The following FRMPD1 variants were observed in gnomAD, a reference collection of about 807,000 sequenced individuals.
FRMPD1 encodes FERM and PDZ domain-containing protein 1.
In FRMPD1, 76 loss-of-function variants were observed where a neutral mutation model predicts 117.8. The ratio of observed to expected loss-of-function variants is 0.65; its 90% CI spans 0.54 to 0.78. FRMPD1 has a LOEUF of 0.78. Among genes scored for constraint, FRMPD1 ranks in the 30% least tolerant of loss-of-function variants. FRMPD1 has a pLI of 0.00. For missense variants in FRMPD1, 1,786 were observed against 1,964.5 expected (o/e 0.91, Z 1.72); for synonymous variants, 783 against 770.4 (o/e 1.02, Z -0.27).
chr9:37,723,365 A>G (rs995729720), intron 6 of FRMPD1, among the ~76,000 whole-genome samples: 2 of 152,072 alleles, frequency 1.3e-5, no homozygotes, highest in Non-Finnish European at 2.9e-5. Flanking sequence ...AGAAGGGCTC[A>G]CTCTTCTCCA....
In FRMPD1 at chr9:37,744,834, C is replaced by G. The variant is rs374764713; in HGVS notation, c.2802C>G (p.Ile934Met). The G allele has an allele frequency of 3.7e-6, 6 of 1,613,964 alleles. No individual in the cohort carries two copies. In the African/African-American group the frequency reaches 8.0e-5, roughly 22 times the overall value. The part of the protein sequence containing the change: ...EPETMETKSV[I>M]DSRVSSISAI... ...AGACCATGGAAACCAAATCAGTCAT[C>G]GACTCTCGAGTGTCTTCTATTTCTG... is the stretch of plus-strand genomic sequence containing the variant. Residue 934 changes from isoleucine (I) to methionine (M), a missense_variant, in exon 16 of 16, where the codon ATC becomes ATG. Physicochemically the swap from Ile to Met is conservative, Grantham distance 10. Transcript: ENST00000377765.
chr9:37,733,859 G>A (rs942415449), intron 12 of FRMPD1, 34 bp downstream of exon 12: 10 of 1,145,816 alleles, frequency 8.7e-6, no homozygotes, highest in African/African-American at 6.1e-5. Context: ...TCCTACTCAC[G>A]TAAGGGACCT....
At chr9:37,684,656 G>C (rs1821857013) in intron 1 of FRMPD1, among the ~76,000 whole-genome samples, 1 of 152,164 alleles carries the variant, frequency 6.6e-6, no homozygotes, top group Admixed American at 6.5e-5. Context: ...GAAAGGAGAG[G>C]AGATGAGAGA....
intron 8 of FRMPD1, among the ~76,000 whole-genome samples, chr9:37,730,612 G>A (rs1490347938): frequency 2.6e-5 from 4 of 152,170 alleles, no homozygotes; most frequent in Non-Finnish European, 4.4e-5. Flanking sequence ...AATAAAGTAA[G>A]TTGTAGAATG....
chr9:37,697,884 A>C (rs959529063), intron 2 of FRMPD1, among the ~76,000 whole-genome samples: 2 of 152,232 alleles, frequency 1.3e-5, no homozygotes, highest in African/African-American at 4.8e-5. Flanking sequence ...TGGGAAGCCA[A>C]GATGGGCAGA....
In FRMPD1 at chr9:37,690,652, C is replaced by T. The variant is rs79654525; in HGVS notation, c.-4-1986C>T. 3.7e-3 allele frequency among the ~76,000 whole-genome samples: 559 copies of T among 152,324 alleles called. 3 individuals are homozygous for T. The highest frequency in any genetic ancestry group is 0.013 in the African/African-American group (533 of 41,562). ...ATGTCAATATCTGAAGGTCTTTTCT[C>T]TGGTGCTATTCAGTCCTCCAGAGAA... On this transcript the variant is annotated intron_variant, in intron 1 of 15. Coordinates refer to ENST00000377765, the MANE Select transcript of FRMPD1 (RefSeq NM_014907.3).
In FRMPD1 at chr9:37,708,417, A is replaced by G; in HGVS notation, c.278A>G (p.Lys93Arg). The change falls in exon 4 of 16, where the codon AAG becomes AGG. Residue 93 changes from lysine (K) to arginine (R), a missense_variant. Transcript: ENST00000377765. ...AVTAGGSAHG[K>R]LFPGDQILQM... is the part of the protein sequence containing the mutation. ...CCAACAGGAGGCTCTGCTCACGGCAAGCTTTTCCCTGGTGATCAGATCCTC... is the reference window on the plus strand; with the variant it reads ...CCAACAGGAGGCTCTGCTCACGGCAGGCTTTTCCCTGGTGATCAGATCCTC... 1 of 1,611,822 alleles carries G rather than the reference A, an allele frequency of 6.2e-7. No individual in the cohort carries two copies. The highest frequency in any genetic ancestry group is 8.5e-7 in the Non-Finnish European group (1 of 1,177,878).
chr9:37,692,818 C>T (rs921688539), intron 2 of FRMPD1, 76 bp downstream of exon 2: 15 of 1,046,072 alleles, frequency 1.4e-5, no homozygotes, highest in South Asian at 1.4e-4. Context: ...CTGGTCCTGG[C>T]CGCACCTTGG....
At position 37,744,705 on chromosome 9, in the gene FRMPD1, G is replaced by C. The variant is rs1288317542; in HGVS notation, c.2673G>C (p.Gln891His). ...CTGTGTCCTCTCTGCAGGACATGCA[G>C]GGTGAGCCTGGCCTTCTGGAGACCA... is the stretch of plus-strand genomic sequence containing the variant. Reference protein sequence around the residue: ...SPTVSSLQDMQGEPGLLETKA... With the variant: ...SPTVSSLQDMHGEPGLLETKA... The change falls in exon 16 of 16, where the codon CAG becomes CAC. Residue 891 changes from glutamine (Q) to histidine (H), a missense_variant. Gln to His is a conservative substitution (Grantham distance 24, BLOSUM62 0). Transcript: ENST00000377765. 4 of 1,613,892 alleles carry C rather than the reference G, an allele frequency of 2.5e-6. No homozygotes were observed. Among genetic ancestry groups the C allele is most frequent in the East Asian group, 4.5e-5 (2 of 44,894 alleles).
chr9:37,660,655 A>G (rs1820974326), intron 1 of FRMPD1, among the ~76,000 whole-genome samples: 1 of 152,184 alleles, frequency 6.6e-6, no homozygotes, highest in African/African-American at 2.4e-5. Context: ...AAATATCCCC[A>G]CATCAAAATA....
the FRMPD1 span, among the ~76,000 whole-genome samples, chr9:37,645,496 C>T: frequency 4.0e-4 from 61 of 152,218 alleles, no homozygotes; most frequent in African/African-American, 1.5e-3. Context: ...GTTTTCCATC[C>T]TCCTGCCCTA....
intron 13 of FRMPD1, among the ~76,000 whole-genome samples, chr9:37,736,531 CAAA>C (rs57388208): frequency 1.1e-4 from 10 of 88,540 alleles, no homozygotes; most frequent in Admixed American, 2.6e-4. Flanking sequence ...AACTCTGTCT[CAAA>C]AAAAAAAAAA....
chr9:37,605,682 T>TTTTTTTTA, the FRMPD1 span, among the ~76,000 whole-genome samples: 1 of 143,650 alleles, frequency 7.0e-6, no homozygotes, highest in Non-Finnish European at 1.5e-5. Flanking sequence ...TCTGGTAGAA[T>TTTTTTTTA]TTTATTTATT....
chr9:37,634,057 C>T, the FRMPD1 span, among the ~76,000 whole-genome samples: 4 of 152,128 alleles, frequency 2.6e-5, no homozygotes, highest in Non-Finnish European at 5.9e-5. Context: ...ATTTTATTTG[C>T]CTCCACATTT....
chr9:37,676,149 G>A (rs1474177152), intron 1 of FRMPD1, among the ~76,000 whole-genome samples: 1 of 152,208 alleles, frequency 6.6e-6, no homozygotes, highest in Admixed American at 6.5e-5. Context: ...TTTATGGCCT[G>A]TGGTTTATAC....
At chr9:37,725,058 C>G (rs907228426) in intron 7 of FRMPD1, among the ~76,000 whole-genome samples, 16 of 152,282 alleles carry the variant, frequency 1.1e-4, no homozygotes, top group African/African-American at 2.6e-4. Flanking sequence ...ATCAGAGAGT[C>G]ACGTGAACTA....
At chr9:37,726,517 G>A (rs1050584151) in intron 7 of FRMPD1, among the ~76,000 whole-genome samples, 2 of 152,040 alleles carry the variant, frequency 1.3e-5, no homozygotes, top group Non-Finnish European at 2.9e-5. Context: ...GGCCAACATG[G>A]TAAAACCCTG....
rs532003551 is a variant in FRMPD1, at chr9:37,699,412, C to T, written c.101+6670C>T. 6.6e-5 allele frequency among the ~76,000 whole-genome samples: 10 copies of T among 150,960 alleles called. No individual in the cohort carries two copies. The East Asian group carries it at 1.4e-3, about 21-fold the overall frequency. On this transcript the variant is annotated intron_variant, in intron 2 of 15. Coordinates refer to ENST00000377765, the MANE Select transcript of FRMPD1 (RefSeq NM_014907.3). ...TTGGCTCACTGCAACTGGCACCTCC[C>T]GGGTTCAAGTGATTCTCGTGCCTCA...
intron 1 of FRMPD1, among the ~76,000 whole-genome samples, chr9:37,658,273 G>A (rs1588904172): frequency 2.0e-5 from 3 of 152,246 alleles, no homozygotes; most frequent in Non-Finnish European, 2.9e-5. Context: ...GTTAGGTCCC[G>A]GTGGGTCCCC....
Sources: gnomAD v4.1 joint callset for allele counts (sites outside exome capture counted in the v4.1 genomes callset) on GRCh38, gnomAD v4.1.1 for gene constraint, MANE v1.5 for transcripts, NCBI Gene and HGNC (gene_info 2026-07-23, HGNC 2026-07-21) for gene names.